The following NFATC1 variants were observed in gnomAD, a reference collection of about 807,000 sequenced individuals.
The protein encoded by NFATC1 is nuclear factor of activated T cells 1.
A neutral mutation model predicts 76.0 loss-of-function variants in NFATC1; 22 were observed. That is an observed-to-expected ratio of 0.29 (90% CI 0.21 to 0.41). The LOEUF (loss-of-function observed/expected upper bound fraction) is 0.41, where lower values mean the gene tolerates loss of function less well. NFATC1 is among the 10% of genes least tolerant of loss of function. The pLI, the probability that NFATC1 is intolerant of heterozygous loss-of-function variation, is 1.00. For synonymous variants in NFATC1, 704 were observed against 613.1 expected (o/e 1.15, Z -2.19); for missense variants, 1,357 against 1,337.7 (o/e 1.01, Z -0.23).
At chr18:79,508,819 A>C (rs2090178032) in intron 9 of NFATC1, among the ~76,000 whole-genome samples, 4 of 134,294 alleles carry the variant, frequency 3.0e-5, no homozygotes, top group African/African-American at 2.9e-5. Flanking sequence ...CTCTCTCTCC[A>C]TCTCCCTCCG....
At chr18:79,504,612 G>C (rs1467841923) in intron 9 of NFATC1, among the ~76,000 whole-genome samples, 4 of 152,268 alleles carry the variant, frequency 2.6e-5, no homozygotes, top group African/African-American at 9.6e-5. Flanking sequence ...GAGATATGAA[G>C]TGGGCACCTG....
Position 79,462,600 on chromosome 18 carries a change from G to A in NFATC1, c.1959+1234G>A, listed in dbSNP as rs181013791. Among the ~76,000 whole-genome samples the A allele has an allele frequency of 1.1e-4, 16 of 152,318 alleles. No homozygotes were observed. In the East Asian group the frequency reaches 2.1e-3, roughly 20 times the overall value. Reference sequence around the variant, plus strand: ...ATTACAGGCATGAGCCACCGTGCCCGGCCTGATGTTCACTTATTATTGATA... The same window carrying A: ...ATTACAGGCATGAGCCACCGTGCCCAGCCTGATGTTCACTTATTATTGATA... On this transcript the variant is annotated intron_variant, in intron 7 of 9. Transcript: ENST00000427363.
intron 8 of NFATC1, among the ~76,000 whole-genome samples, chr18:79,474,504 C>T (rs1447575121): frequency 6.1e-5 from 9 of 147,038 alleles, no homozygotes; most frequent in Non-Finnish European, 1.3e-4. Context: ...TCACTGTCGA[C>T]GTTGCAAGGG....
At position 79,397,180 on chromosome 18, in the gene NFATC1, C is replaced by G. The variant is rs559889265; in HGVS notation, c.127+829C>G. Among the ~76,000 whole-genome samples, 4 of 152,336 alleles carry G rather than the reference C, an allele frequency of 2.6e-5. No individual in the cohort carries two copies. In the South Asian group the frequency reaches 8.3e-4, roughly 32 times the overall value. ...CCTGGCGATGCCGGGTGGGCTCCTG[C>G]AAGTGGCTTTGAAAATACCCTTGCA... On this transcript the variant is annotated intron_variant, in intron 1 of 9. Transcript: ENST00000427363.
At chr18:79,411,575 CGGG>C in intron 2 of NFATC1, 74 bp downstream of exon 2, 2 of 716,936 alleles carry the variant, frequency 2.8e-6, no homozygotes, top group Non-Finnish European at 3.7e-6. Context: ...GGGAGCGGGA[CGGG>C]GGGCGGCGCG....
chr18:79,446,281 C>T (rs1157856310), intron 3 of NFATC1, among the ~76,000 whole-genome samples: 2 of 152,106 alleles, frequency 1.3e-5, no homozygotes, highest in Admixed American at 1.3e-4. Flanking sequence ...AGTCATACCC[C>T]AAATTCACAG....
chr18:79,411,358 G>C lies in NFATC1; in HGVS notation c.1083G>C (p.Pro361=), dbSNP rs370647787. 1 of 1,588,682 alleles carries C rather than the reference G, an allele frequency of 6.3e-7. No individual in the cohort carries two copies. Among genetic ancestry groups the C allele is most frequent in the Non-Finnish European group, 8.5e-7 (1 of 1,170,074 alleles). The change falls in exon 2 of 10, where the codon CCG becomes CCC. Residue 361 remains proline (P), a synonymous_variant. Coordinates refer to ENST00000427363, the MANE Select transcript of NFATC1 (RefSeq NM_001278669.2). ...EPVGEDLGSP[P]PPADFAPEDY... ...TCGGGGAGGACCTGGGCAGCCCCCC[G>C]CCCCCGGCCGACTTCGCGCCCGAAG...
chr18:79,525,966 C>G (rs548468064), intron 9 of NFATC1, among the ~76,000 whole-genome samples: 6 of 152,378 alleles, frequency 3.9e-5, no homozygotes, highest in Non-Finnish European at 8.8e-5. Flanking sequence ...CAGCAGGGCA[C>G]GGAGCTCCTG....
chr18:79,415,663 A>G (rs2085853063), intron 2 of NFATC1, among the ~76,000 whole-genome samples: 1 of 152,206 alleles, frequency 6.6e-6, no homozygotes, highest in African/African-American at 2.4e-5. Flanking sequence ...GAGGTAAAGA[A>G]AAAGAATTCC....
chr18:79,474,918 C>T lies in NFATC1; in HGVS notation c.2092+7336C>T, dbSNP rs527875712. On this transcript the variant is annotated intron_variant, in intron 8 of 9. Coordinates refer to ENST00000427363, the MANE Select transcript of NFATC1 (RefSeq NM_001278669.2). ...TAAACCTGAGGGAAGCGTGTTCTCA[C>T]GCTCGCTGTCAACGTAAACCTGAGG... Among the ~76,000 whole-genome samples the T allele has an allele frequency of 3.1e-4, 42 of 136,134 alleles. 3 individuals are homozygous for T. Among genetic ancestry groups the T allele is most frequent in the Admixed American group, 2.0e-3 (28 of 13,706 alleles). 89.3% of individuals were successfully genotyped at this position (136,134 alleles called of 152,430 possible). A position where few individuals can be genotyped will look rare whatever the true frequency, so the allele number is the denominator to read the frequency against.
Position 79,433,581 on chromosome 18 carries a change from C to A in NFATC1, c.1229C>A (p.Pro410Gln). 1.2e-6 allele frequency: 2 copies of A among 1,613,084 alleles called. No individual in the cohort carries two copies. Among genetic ancestry groups the A allele is most frequent in the Non-Finnish European group, 1.7e-6 (2 of 1,179,924 alleles). Reference sequence around the variant, plus strand: ...TCCTCTGCTCTGTTCCCTTCCAGCCCGACCCTGCCCGCCCTGGACTGGCAG... The same window carrying A: ...TCCTCTGCTCTGTTCCCTTCCAGCCAGACCCTGCCCGCCCTGGACTGGCAG... The part of the protein sequence containing the change: ...KPLSPTSYMS[P>Q]TLPALDWQLP... Residue 410 changes from proline to glutamine, a missense_variant and splice_region_variant, in exon 3 of 10, where the codon CCG becomes CAG. By Grantham distance (76) the Pro-to-Gln change is moderately conservative (BLOSUM62 -1). This residue lies in a region of NFATC1 where 691 missense variants were observed against 613.1 expected (regional missense o/e 1.13). Coordinates refer to ENST00000427363, the MANE Select transcript of NFATC1 (RefSeq NM_001278669.2).
intron 3 of NFATC1, among the ~76,000 whole-genome samples, chr18:79,446,744 G>T (rs1206019051): frequency 2.6e-5 from 4 of 152,204 alleles, no homozygotes; most frequent in Non-Finnish European, 5.9e-5. Context: ...GTTCTGCAGA[G>T]TTACGTGGTC....
At chr18:79,444,681 G>T (rs555790407) in intron 3 of NFATC1, among the ~76,000 whole-genome samples, 3 of 151,722 alleles carry the variant, frequency 2.0e-5, no homozygotes, top group East Asian at 3.9e-4. Context: ...GGGCACCCAC[G>T]TGCCCGACCC....
At chr18:79,407,575 G>A (rs1317419877) in intron 1 of NFATC1, among the ~76,000 whole-genome samples, 1 of 152,190 alleles carries the variant, frequency 6.6e-6, no homozygotes, top group Non-Finnish European at 1.5e-5. Flanking sequence ...AGCCTCCCAA[G>A]TAGCTGGGAC....
At chr18:79,498,606 C>T (rs778764183) in intron 9 of NFATC1, among the ~76,000 whole-genome samples, 4 of 152,114 alleles carry the variant, frequency 2.6e-5, no homozygotes, top group Admixed American at 6.5e-5. Flanking sequence ...AGAAGAAATA[C>T]GTGAAGAAAT....
At chr18:79,477,457 C>A (rs2089119290) in intron 8 of NFATC1, among the ~76,000 whole-genome samples, 1 of 152,226 alleles carries the variant, frequency 6.6e-6, no homozygotes, top group Non-Finnish European at 1.5e-5. Context: ...GATCTCCCCA[C>A]CCCCAATGCC....
At chr18:79,430,571 C>T (rs548836330) in intron 2 of NFATC1, among the ~76,000 whole-genome samples, 21 of 152,148 alleles carry the variant, frequency 1.4e-4, no homozygotes, top group African/African-American at 4.8e-4. Flanking sequence ...TTAGTGGAGA[C>T]GGGGTTTCAC....
At chr18:79,518,893 G>C (rs1220165038) in intron 9 of NFATC1, among the ~76,000 whole-genome samples, 2 of 152,204 alleles carry the variant, frequency 1.3e-5, no homozygotes, top group Non-Finnish European at 2.9e-5. Context: ...CCCTGACTTG[G>C]GCTCCGATCC....
intron 2 of NFATC1, among the ~76,000 whole-genome samples, chr18:79,427,316 T>C (rs1309627135): frequency 6.6e-6 from 1 of 151,348 alleles, no homozygotes; most frequent in Non-Finnish European, 1.5e-5. Context: ...TGCCAGCATG[T>C]GCAACAGTGA....
Sources: gnomAD v4.1 joint callset for allele counts (sites outside exome capture counted in the v4.1 genomes callset) on GRCh38, gnomAD v4.1.1 for gene constraint, gnomAD v4.1.1 regional missense constraint, MANE v1.5 for transcripts, NCBI Gene and HGNC (gene_info 2026-07-23, HGNC 2026-07-21) for gene names.